RBFOX1: variants seen among roughly 807,000 people sequenced by gnomAD.
RBFOX1 encodes the protein RNA binding fox-1 homolog 1, also known as RNA binding protein fox-1 homolog 1.
Under a neutral mutation model 57.7 loss-of-function variants are expected in RBFOX1, and 8 were observed. That is an observed-to-expected ratio of 0.14 (90% CI 0.08 to 0.25). RBFOX1 has a LOEUF of 0.25. RBFOX1 is among the 10% of genes least tolerant of loss of function. The pLI is 1.00. For synonymous variants in RBFOX1, 326 were observed against 222.4 expected (o/e 1.47, Z -4.15); for missense variants, 611 against 548.5 (o/e 1.11, Z -1.14).
chr16:6,322,307 TC>T (rs1320445678), intron 2 of RBFOX1, among the ~76,000 whole-genome samples: 1 of 152,206 alleles, frequency 6.6e-6, no homozygotes. Flanking sequence ...AATAAGCTCA[TC>T]CTTACCTAAC....
intron 3 of RBFOX1, among the ~76,000 whole-genome samples, chr16:6,937,617 TTGGTTCG>T (rs1346573237): frequency 6.6e-6 from 1 of 151,970 alleles, no homozygotes; most frequent in Non-Finnish European, 1.5e-5. Flanking sequence ...GAGATTTACA[TTGGTTCG>T]GTCTGGAAAG....
At chr16:5,944,007 C>G (rs1484831075) in intron 4 of RBFOX1, among the ~76,000 whole-genome samples, 1 of 151,238 alleles carries the variant, frequency 6.6e-6, no homozygotes. Context: ...ATCCATCCAT[C>G]CACTCACCCA....
At chr16:5,637,947 G>A (rs759051685) in intron 3 of RBFOX1, among the ~76,000 whole-genome samples, 6 of 152,164 alleles carry the variant, frequency 3.9e-5, no homozygotes, top group Non-Finnish European at 1.5e-5. Flanking sequence ...AATGCCTAGA[G>A]GTCCAGTGTT....
intron 3 of RBFOX1, among the ~76,000 whole-genome samples, chr16:5,620,757 C>T (rs529643687): frequency 6.6e-6 from 1 of 152,320 alleles, no homozygotes; most frequent in Non-Finnish European, 1.5e-5. Flanking sequence ...TGGCTTGCTG[C>T]AGCCTTGACT....
At chr16:7,208,478 T>A (rs932269305) in intron 4 of RBFOX1, among the ~76,000 whole-genome samples, 1 of 152,148 alleles carries the variant, frequency 6.6e-6, no homozygotes, top group Non-Finnish European at 1.5e-5. Context: ...GGAGCTGGTA[T>A]GTGCAGAGAT....
chr16:5,310,755 C>A (rs1180939376), intron 1 of RBFOX1, among the ~76,000 whole-genome samples: 2 of 152,082 alleles, frequency 1.3e-5, no homozygotes, highest in South Asian at 2.1e-4. Flanking sequence ...CTTTTCTTTC[C>A]TTTATTTTGG....
intron 3 of RBFOX1, among the ~76,000 whole-genome samples, chr16:5,799,815 G>T (rs1312700863): frequency 1.3e-5 from 2 of 151,956 alleles, no homozygotes; most frequent in Non-Finnish European, 2.9e-5. Flanking sequence ...GTACAAAGTT[G>T]GGTGCCTCTA....
At chr16:5,908,089 C>T (rs62013864) in intron 4 of RBFOX1, among the ~76,000 whole-genome samples, 17,343 of 137,608 alleles carry the variant, frequency 0.13, 2,837 homozygotes, top group African/African-American at 0.36. Flanking sequence ...TATATATACA[C>T]ATATATACAC....
Position 6,594,451 on chromosome 16 carries a change from A to C in RBFOX1, c.-63-60152A>C, listed in dbSNP as rs79360027. 2.0e-5 allele frequency among the ~76,000 whole-genome samples: 3 copies of C among 152,218 alleles called. No homozygotes were observed. In the South Asian group the frequency reaches 6.2e-4, roughly 32 times the overall value. The stretch of plus-strand genomic sequence containing the variant: ...AGCAGGTGGTGGGGGGGTCTGTGGC[A>C]AACTCGGCAATAAATGCCCCAGGTG... On this transcript the variant is annotated intron_variant, in intron 2 of 15. Coordinates refer to ENST00000550418, the MANE Select transcript of RBFOX1 (RefSeq NM_018723.4).
intron 2 of RBFOX1, among the ~76,000 whole-genome samples, chr16:5,550,962 C>A (rs1210529146): frequency 6.6e-6 from 1 of 152,246 alleles, no homozygotes; most frequent in Middle Eastern, 3.4e-3. Context: ...GAAGGTTAAG[C>A]CTTGAGAAGG....
intron 4 of RBFOX1, among the ~76,000 whole-genome samples, chr16:7,500,501 G>A (rs964046126): frequency 1.3e-5 from 2 of 152,176 alleles, no homozygotes; most frequent in African/African-American, 2.4e-5. Context: ...TGGAGGAAAC[G>A]TAGATATGCA....
intron 1 of RBFOX1, among the ~76,000 whole-genome samples, chr16:6,059,885 T>A (rs1179974031): frequency 1.3e-5 from 2 of 152,132 alleles, no homozygotes; most frequent in African/African-American, 4.8e-5. Context: ...AATGACTTGA[T>A]GAGAGAATAA....
intron 10 of RBFOX1, among the ~76,000 whole-genome samples, chr16:7,609,591 A>G (rs2057024428): frequency 6.6e-6 from 1 of 152,172 alleles, no homozygotes. Flanking sequence ...TATTTACTGG[A>G]TACTTTCTAT....
At chr16:7,279,698 A>T (rs2095504776) in intron 4 of RBFOX1, among the ~76,000 whole-genome samples, 1 of 152,226 alleles carries the variant, frequency 6.6e-6, no homozygotes, top group South Asian at 2.1e-4. Context: ...CTAGCAGACC[A>T]GGCATAATGG....
chr16:6,834,915 T>C (rs1050617493), intron 3 of RBFOX1, among the ~76,000 whole-genome samples: 24 of 141,486 alleles, frequency 1.7e-4, no homozygotes, highest in African/African-American at 4.5e-4. Context: ...TTTTTTGAGA[T>C]GGTGTCTCGC....
intron 1 of RBFOX1, among the ~76,000 whole-genome samples, chr16:6,268,157 C>A (rs954026668): frequency 3.9e-5 from 6 of 152,290 alleles, no homozygotes; most frequent in Non-Finnish European, 5.9e-5. Context: ...TTCCAGCTAC[C>A]TTTTCTGTAG....
At chr16:6,843,311 C>T (rs765840696) in intron 3 of RBFOX1, among the ~76,000 whole-genome samples, 3 of 151,696 alleles carry the variant, frequency 2.0e-5, no homozygotes, top group Non-Finnish European at 4.4e-5. Context: ...TGGTGGTCTT[C>T]TGGAGCAAAT....
At chr16:6,161,976 G>C (rs1197847514) in intron 1 of RBFOX1, among the ~76,000 whole-genome samples, 1 of 152,096 alleles carries the variant, frequency 6.6e-6, no homozygotes. Context: ...GCCAACTAAG[G>C]GTACTTATTT....
chr16:7,060,966 C>T (rs895426849), intron 4 of RBFOX1, among the ~76,000 whole-genome samples: 1 of 152,156 alleles, frequency 6.6e-6, no homozygotes, highest in Non-Finnish European at 1.5e-5. Context: ...TTACAGAGAA[C>T]CCTCAGGATT....
Sources: gnomAD v4.1 joint callset for allele counts (sites outside exome capture counted in the v4.1 genomes callset) on GRCh38, gnomAD v4.1.1 for gene constraint, MANE v1.5 for transcripts, NCBI Gene and HGNC (gene_info 2026-07-23, HGNC 2026-07-21) for gene names.